The following DRC10 variants were observed in gnomAD, a reference collection of about 807,000 sequenced individuals.
DRC10 encodes the protein IQ domain-containing protein D.
chr12:113,220,238 G>A, the DRC10 span, among the ~76,000 whole-genome samples: 1 of 152,120 alleles, frequency 6.6e-6, no homozygotes, highest in East Asian at 1.9e-4. Flanking sequence ...AGGCAAAAGT[G>A]GTGTAATAAA....
At chr12:113,210,521 G>A in the DRC10 span, among the ~76,000 whole-genome samples, 2 of 151,846 alleles carry the variant, frequency 1.3e-5, no homozygotes, top group African/African-American at 4.8e-5. Flanking sequence ...TAGCACTTTG[G>A]GAGGTTGAAG....
At chr12:113,205,902 C>CAAAAA in the DRC10 span, among the ~76,000 whole-genome samples, 3 of 47,960 alleles carry the variant, frequency 6.3e-5, no homozygotes, top group Non-Finnish European at 8.6e-5. Flanking sequence ...GACTCCGTCT[C>CAAAAA]AAAAAAAAAA....
chr12:113,205,750 G>A, the DRC10 span, among the ~76,000 whole-genome samples: 15 of 148,830 alleles, frequency 1.0e-4, no homozygotes, highest in Non-Finnish European at 1.9e-4. Flanking sequence ...TTAGCCGGGC[G>A]CGGTGGCGGG....
At chr12:113,207,762 C>G in the DRC10 span, 1 of 1,614,142 alleles carries the variant, frequency 6.2e-7, no homozygotes, top group Admixed American at 1.7e-5. Flanking sequence ...ATTTCTGCAG[C>G]TCTATGGAAA....
the DRC10 span, among the ~76,000 whole-genome samples, chr12:113,202,789 T>C: frequency 6.6e-6 from 1 of 152,166 alleles, no homozygotes; most frequent in African/African-American, 2.4e-5. Context: ...ACCAGACCTC[T>C]GACAAGTTGG....
chr12:113,199,399 C>CATAAATAA, the DRC10 span, among the ~76,000 whole-genome samples: 5,177 of 150,730 alleles, frequency 0.034, 143 homozygotes, highest in East Asian at 0.14. Flanking sequence ...CTGTCTCAAA[C>CATAAATAA]ATAAATAAAT....
the DRC10 span, among the ~76,000 whole-genome samples, chr12:113,217,125 G>T: frequency 1.3e-5 from 2 of 152,124 alleles, no homozygotes; most frequent in Non-Finnish European, 2.9e-5. Flanking sequence ...TCTCAAACCC[G>T]TCCTGCTCTC....
chr12:113,211,328 G>T, the DRC10 span, among the ~76,000 whole-genome samples: 2 of 152,152 alleles, frequency 1.3e-5, no homozygotes, highest in African/African-American at 4.8e-5. Flanking sequence ...AGCCACAAAA[G>T]ATAACTTCAA....
chr12:113,203,724 C>T, the DRC10 span, among the ~76,000 whole-genome samples: 2 of 151,802 alleles, frequency 1.3e-5, no homozygotes, highest in South Asian at 4.2e-4. Flanking sequence ...GATCTGCCTG[C>T]CTCAGCCTCC....
At chr12:113,198,052 A>C in the DRC10 span, among the ~76,000 whole-genome samples, 2 of 152,272 alleles carry the variant, frequency 1.3e-5, no homozygotes, top group East Asian at 3.9e-4. Flanking sequence ...CCCCATCTCT[A>C]CTAAAGATAC....
chr12:113,206,300 G>C, the DRC10 span, among the ~76,000 whole-genome samples: 1 of 151,618 alleles, frequency 6.6e-6, no homozygotes, highest in African/African-American at 2.4e-5. Flanking sequence ...TGGCATACCT[G>C]AACCGGTCCA....
chr12:113,208,418 G>C, the DRC10 span: 1 of 1,243,374 alleles, frequency 8.0e-7, no homozygotes, highest in East Asian at 3.4e-5. Flanking sequence ...GCTTTGTGAG[G>C]GTGTTAGGGC....
chr12:113,199,098 C>T, the DRC10 span, among the ~76,000 whole-genome samples: 35 of 152,134 alleles, frequency 2.3e-4, no homozygotes, highest in African/African-American at 5.3e-4. Flanking sequence ...CCACCACGCC[C>T]GGCTAATTTT....
chr12:113,195,662 T>C, the DRC10 span: 1 of 1,613,436 alleles, frequency 6.2e-7, no homozygotes, highest in Non-Finnish European at 8.5e-7. Flanking sequence ...TCTTCTTGGA[T>C]CTGAGCAGGG....
chr12:113,204,497 T>G, the DRC10 span, among the ~76,000 whole-genome samples: 1 of 152,268 alleles, frequency 6.6e-6, no homozygotes, highest in Non-Finnish European at 1.5e-5. Flanking sequence ...AAAGTTTTGT[T>G]GGAACACAGC....
At chr12:113,207,671 C>G in the DRC10 span, 1 of 1,614,116 alleles carries the variant, frequency 6.2e-7, no homozygotes, top group Non-Finnish European at 8.5e-7. Context: ...AGGAGCCTAG[C>G]AGCCTGGGGG....
At chr12:113,209,403 C>G in the DRC10 span, among the ~76,000 whole-genome samples, 1 of 152,106 alleles carries the variant, frequency 6.6e-6, no homozygotes, top group African/African-American at 2.4e-5. Context: ...TAGCATTGTA[C>G]CAACATTAAT....
At chr12:113,195,511 A>G in the DRC10 span, 3 of 1,501,636 alleles carry the variant, frequency 2.0e-6, no homozygotes, top group South Asian at 1.4e-5. Flanking sequence ...AGTGCTCTCC[A>G]TCTCGGGCCT....
At chr12:113,214,962 G>A in the DRC10 span, among the ~76,000 whole-genome samples, 5 of 152,148 alleles carry the variant, frequency 3.3e-5, no homozygotes, top group Non-Finnish European at 5.9e-5. Context: ...AATGCTGGAG[G>A]TATTGACAGT....
Sources: allele counts gnomAD v4.1 joint callset (sites outside exome capture counted in the v4.1 genomes callset), GRCh38; gene constraint gnomAD v4.1.1; transcripts MANE v1.5; gene names NCBI Gene and HGNC (gene_info 2026-07-23, HGNC 2026-07-21).